Variants in ANKFN1 observed in about 807,000 individuals in gnomAD.
The protein encoded by ANKFN1 is ankyrin repeat and fibronectin type III domain containing 1, also known as ankyrin repeat and fibronectin type-III domain-containing protein 1.
A neutral mutation model predicts 108.7 loss-of-function variants in ANKFN1; 74 were observed. That is an observed-to-expected ratio of 0.68 (90% CI 0.56 to 0.83). The LOEUF (loss-of-function observed/expected upper bound fraction) is 0.83, where lower values mean the gene tolerates loss of function less well. Among genes scored for constraint, ANKFN1 ranks in the 40% least tolerant of loss-of-function variants. The pLI is 0.00. For missense variants in ANKFN1, 1,505 were observed against 1,382.3 expected, an observed-to-expected ratio of 1.09 and a Z score of -1.41; for synonymous variants, 547 against 516.2, an observed-to-expected ratio of 1.06 and a Z score of -0.81.
At chr17:56,504,971 C>T in intron 20 of ANKFN1, among the ~76,000 whole-genome samples, 1 of 152,030 alleles carries the variant, frequency 6.6e-6, no homozygotes. Flanking sequence ...CCGCACCCAG[C>T]CCACTTAAAG....
At chr17:56,474,484 C>G (rs2050433319) in intron 15 of ANKFN1, among the ~76,000 whole-genome samples, 1 of 152,162 alleles carries the variant, frequency 6.6e-6, no homozygotes. Context: ...GGTTCTTTCT[C>G]ATTTTTCCTA....
intron 4 of ANKFN1, among the ~76,000 whole-genome samples, chr17:56,078,882 G>T (rs6505037): frequency 0.81 from 122,458 of 152,078 alleles, 50,161 homozygotes; most frequent in African/African-American, 0.94. Context: ...GAGGTGTTAA[G>T]TCTCTCCTAG....
At chr17:56,153,565 G>A in intron 1 of ANKFN1, 35 bp downstream of exon 1, 6 of 1,612,344 alleles carry the variant, frequency 3.7e-6, no homozygotes. Flanking sequence ...TCGGTAATTG[G>A]TGTTTGGAGG....
chr17:56,516,716 G>C lies in ANKFN1; in HGVS notation c.*5447G>C, dbSNP rs535004808. Among the ~76,000 whole-genome samples the C allele has an allele frequency of 2.2e-4, 34 of 152,248 alleles. No individual in the cohort carries two copies. The highest frequency in any genetic ancestry group is 6.3e-4 in the African/African-American group (26 of 41,532). ...TTTATAAGAGGTCAGGGATAAATGAGAATTAAGTTAATTTTTCTAATGGCA... is the reference window on the plus strand; with the variant it reads ...TTTATAAGAGGTCAGGGATAAATGACAATTAAGTTAATTTTTCTAATGGCA... On this transcript the variant is annotated 3_prime_UTR_variant, in exon 21 of 21. Coordinates refer to ENST00000682825, the MANE Select transcript of ANKFN1 (RefSeq NM_001370326.1).
chr17:56,405,237 A>G (rs567551703), intron 8 of ANKFN1, among the ~76,000 whole-genome samples: 2 of 152,356 alleles, frequency 1.3e-5, no homozygotes, highest in African/African-American at 4.8e-5. Flanking sequence ...AAAATGAGGG[A>G]AAGATTGTTC....
rs751215331 is a variant in ANKFN1 at position 56,350,774 on chromosome 17, G to A, written c.197G>A (p.Arg66His). The change falls in exon 5 of 21, where the codon CGT becomes CAT. Residue 66 changes from arginine to histidine, a missense_variant. Physicochemically the swap from Arg to His is conservative, Grantham distance 29. Coordinates refer to ENST00000682825, the MANE Select transcript of ANKFN1 (RefSeq NM_001370326.1). ...AASNSINWNCRVKMTQQMQNL... is the reference protein window; with the variant it reads ...AASNSINWNCHVKMTQQMQNL... The stretch of plus-strand genomic sequence containing the variant: ...GACTTTCCTCTTCTTAGGAATTGTC[G>A]TGTGAAAATGACGCAACAAATGCAA... 3.8e-5 allele frequency: 62 copies of A among 1,613,354 alleles called. 1 individual carries two copies. The highest frequency in any genetic ancestry group is 2.7e-4 in the South Asian group (25 of 91,068).
intron 11 of ANKFN1, among the ~76,000 whole-genome samples, chr17:56,451,782 A>G (rs937553764): frequency 5.9e-5 from 9 of 152,208 alleles, no homozygotes; most frequent in African/African-American, 1.9e-4. Context: ...GCCACTCTCC[A>G]TCCTCAGCAC....
chr17:56,243,561 T>G (rs1917738299), intron 3 of ANKFN1, among the ~76,000 whole-genome samples: 1 of 152,154 alleles, frequency 6.6e-6, no homozygotes, highest in Non-Finnish European at 1.5e-5. Context: ...TAAGCCCATC[T>G]TCAGATACCT....
chr17:56,211,929 C>T lies in ANKFN1; in HGVS notation c.-70-669C>T, dbSNP rs117497163. ...TCGCTCTTGGTGTATAGCAGAACTA[C>T]TGATATGTGTACATTAATTTTGTAT... On this transcript the variant is annotated intron_variant, in intron 1 of 20. Coordinates refer to ENST00000682825, the MANE Select transcript of ANKFN1 (RefSeq NM_001370326.1). Among the ~76,000 whole-genome samples the T allele has an allele frequency of 7.2e-3, 1,100 of 152,214 alleles. 10 individuals are homozygous for T. The highest frequency in any genetic ancestry group is 0.017 in the South Asian group (82 of 4,814).
intron 1 of ANKFN1, among the ~76,000 whole-genome samples, chr17:56,208,463 C>G (rs1396736178): frequency 6.6e-6 from 1 of 152,124 alleles, no homozygotes; most frequent in Admixed American, 6.6e-5. Flanking sequence ...AAAAATGTCT[C>G]CAGACATTGG....
chr17:56,316,787 G>A (rs545672789), intron 3 of ANKFN1, among the ~76,000 whole-genome samples: 1 of 152,244 alleles, frequency 6.6e-6, no homozygotes, highest in Admixed American at 6.5e-5. Flanking sequence ...CCCACTGAGT[G>A]GGGCCACCTA....
chr17:56,058,878 A>G (rs4794618), intron 4 of ANKFN1, among the ~76,000 whole-genome samples: 118,314 of 152,114 alleles, frequency 0.78, 46,212 homozygotes, highest in Non-Finnish European at 0.81. Context: ...TATTGTAAAT[A>G]GTGCTGCAAT....
chr17:56,337,266 G>A (rs2144599804), intron 4 of ANKFN1, among the ~76,000 whole-genome samples: 1 of 152,204 alleles, frequency 6.6e-6, no homozygotes, highest in East Asian at 1.9e-4. Flanking sequence ...TCAAGTCCTG[G>A]ATATCCTTGT....
At chr17:56,457,806 C>A in intron 13 of ANKFN1, 57 bp from the exon 14 acceptor site, 3 of 1,342,736 alleles carry the variant, frequency 2.2e-6, no homozygotes, top group Non-Finnish European at 3.2e-6. Flanking sequence ...TTTGATGCCA[C>A]AACCTAAATC....
At chr17:56,144,453 C>G (rs886263924) in intron 4 of ANKFN1, among the ~76,000 whole-genome samples, 2 of 152,194 alleles carry the variant, frequency 1.3e-5, no homozygotes, top group Admixed American at 1.3e-4. Flanking sequence ...CAACCTTTCT[C>G]TCTGAGTCCA....
chr17:56,049,620 C>T (rs989479003), intron 4 of ANKFN1, among the ~76,000 whole-genome samples: 1 of 151,494 alleles, frequency 6.6e-6, no homozygotes, highest in Admixed American at 6.6e-5. Flanking sequence ...CAATTCCCAC[C>T]TATGAGTGAG....
Position 56,480,703 on chromosome 17 carries a change from C to G in ANKFN1, c.1976C>G (p.Ser659Cys). ...GAATGGATCCAAAAGCTTTCTGGCT[C>G]TGAATCTATGGAAAGTGTGGATCAT... ...EWEWIQKLSGSESMESVDHTS... is the reference protein window; with the variant it reads ...EWEWIQKLSGCESMESVDHTS... Residue 659 changes from serine (S) to cysteine (C), a missense_variant, in exon 17 of 21, where the codon TCT becomes TGT. By Grantham distance (112) the Ser-to-Cys change is moderately radical. Coordinates refer to ENST00000682825, the MANE Select transcript of ANKFN1 (RefSeq NM_001370326.1). 3.1e-6 allele frequency: 5 copies of G among 1,613,994 alleles called. No homozygotes were observed. Among genetic ancestry groups the G allele is most frequent in the Non-Finnish European group, 4.2e-6 (5 of 1,179,938 alleles).
intron 8 of ANKFN1, among the ~76,000 whole-genome samples, chr17:56,382,604 C>T (rs1046533257): frequency 1.3e-5 from 2 of 152,152 alleles, no homozygotes; most frequent in Non-Finnish European, 2.9e-5. Flanking sequence ...CAGAGACACA[C>T]ATAGGCTCAA....
At chr17:56,117,227 T>G (rs955570786) in intron 4 of ANKFN1, among the ~76,000 whole-genome samples, 1 of 152,196 alleles carries the variant, frequency 6.6e-6, no homozygotes, top group African/African-American at 2.4e-5. Flanking sequence ...GCCAAGCACA[T>G]GGCCCTCAAT....
Sources: gnomAD v4.1 joint callset for allele counts (sites outside exome capture counted in the v4.1 genomes callset) on GRCh38, gnomAD v4.1.1 for gene constraint, MANE v1.5 for transcripts, NCBI Gene and HGNC (gene_info 2026-07-23, HGNC 2026-07-21) for gene names.